The following TNS1 variants were observed in gnomAD, a reference collection of about 807,000 sequenced individuals.
TNS1 encodes tensin 1.
A neutral mutation model predicts 168.6 loss-of-function variants in TNS1; 62 were observed. That is an observed-to-expected ratio of 0.37 (90% CI 0.30 to 0.45). The LOEUF (loss-of-function observed/expected upper bound fraction) is 0.45. TNS1 is among the 20% of genes least tolerant of loss of function. TNS1 has a pLI of 1.00. For synonymous variants in TNS1, 934 were observed against 933.2 expected (o/e 1.00, Z -0.02); for missense variants, 2,240 against 2,339.4 (o/e 0.96, Z 0.88).
intron 3 of TNS1, among the ~76,000 whole-genome samples, chr2:217,967,465 A>G (rs530363722): frequency 1.3e-5 from 2 of 152,320 alleles, no homozygotes; most frequent in South Asian, 4.1e-4. Context: ...GAAGACTCAA[A>G]TTACTCAAAT....
intron 18 of TNS1, chr2:217,858,502 G>A (rs888387333): frequency 1.0e-6 from 1 of 985,728 alleles, no homozygotes; most frequent in Admixed American, 6.1e-5. Context: ...CCTCTGGAGG[G>A]AGGGAGGGAG....
intron 18 of TNS1, chr2:217,849,782 G>A (rs1385830053): frequency 2.8e-5 from 28 of 985,270 alleles, no homozygotes; most frequent in South Asian, 9.4e-5. Flanking sequence ...ACGGCCAGTC[G>A]CCCCGAGGAT....
At chr2:217,933,939 G>A (rs778233722) in intron 3 of TNS1, among the ~76,000 whole-genome samples, 6 of 152,116 alleles carry the variant, frequency 3.9e-5, no homozygotes, top group Non-Finnish European at 7.3e-5. Context: ...GGTGAGGAAG[G>A]GCAAAACAGA....
At chr2:217,810,084 A>C in intron 29 of TNS1, 93 bp from the exon 30 acceptor site, 1 of 1,504,420 alleles carries the variant, frequency 6.6e-7, no homozygotes, top group East Asian at 2.3e-5. Context: ...GTAGCAGATA[A>C]ATTTCAGGCT....
chr2:218,012,643 C>A (rs533279573), upstream of TNS1, among the ~76,000 whole-genome samples: 11 of 152,192 alleles, frequency 7.2e-5, no homozygotes, highest in African/African-American at 2.2e-4. Flanking sequence ...TGGCCCCCCA[C>A]CCCCCATACC....
At chr2:217,883,818 C>T (rs2125662490) in intron 16 of TNS1, among the ~76,000 whole-genome samples, 1 of 152,340 alleles carries the variant, frequency 6.6e-6, no homozygotes. Context: ...CCAGACCACA[C>T]TAAGGAGATC....
At chr2:217,838,732 T>C (rs889506051) in intron 19 of TNS1, among the ~76,000 whole-genome samples, 3 of 152,188 alleles carry the variant, frequency 2.0e-5, no homozygotes, top group African/African-American at 7.2e-5. Flanking sequence ...TGGAGAGACA[T>C]GTTCCCTCTC....
chr2:217,848,216 A>G lies in TNS1; in HGVS notation c.2301T>C (p.Ala767=). ...APVRGGSSRE[A]VQRGLNSWQQ... ...GCCACGAATTCAGTCCCCTTTGCAC[A>G]GCCTCCCGGCTGCTTCCCCCTCGGA... The change falls in exon 19 of 33, where the codon GCT becomes GCC. Residue 767 remains alanine, a synonymous_variant. Transcript: ENST00000682258. 1.9e-6 allele frequency: 3 copies of G among 1,589,386 alleles called. No homozygotes were observed. Among genetic ancestry groups the G allele is most frequent in the Non-Finnish European group, 2.6e-6 (3 of 1,168,192 alleles).
rs79888115 is a variant in TNS1 at position 217,917,829 on chromosome 2, C to CAAAAAAAAA, written c.228+2357_228+2365dup. Among the ~76,000 whole-genome samples the CAAAAAAAAA allele has an allele frequency of 2.3e-3, 177 of 75,972 alleles. 4 individuals carry two copies. The highest frequency in any genetic ancestry group is 4.9e-3 in the African/African-American group (108 of 22,258). The allele number at this position is 75,972 out of a possible 152,430, so 49.8% of individuals were successfully genotyped here. On this transcript the variant is annotated intron_variant, in intron 4 of 32. Transcript: ENST00000682258. ...CTGGGCAACACAGTGAGACTGTTCTCAAAAAAAAAAAAAAAAAAAGACTTG... is the reference window on the plus strand; with the variant it reads ...CTGGGCAACACAGTGAGACTGTTCTCAAAAAAAAAAAAAAAAAAAAAAAAAAAAGACTTG...
chr2:217,805,504 CCACCACACA>C (rs1207913865), intron 32 of TNS1, among the ~76,000 whole-genome samples: 883 of 57,988 alleles, frequency 0.015, 28 homozygotes, highest in East Asian at 0.038. Context: ...ACCACACACA[CCACCACACA>C]CACCACACAC....
At chr2:217,904,485 T>C (rs1043025220) in intron 6 of TNS1, among the ~76,000 whole-genome samples, 1 of 152,078 alleles carries the variant, frequency 6.6e-6, no homozygotes, top group Non-Finnish European at 1.5e-5. Context: ...AATTAGGTTT[T>C]CTCTCCTCTT....
At chr2:217,956,484 C>T (rs933800798) in intron 3 of TNS1, among the ~76,000 whole-genome samples, 2 of 152,024 alleles carry the variant, frequency 1.3e-5, no homozygotes, top group Non-Finnish European at 2.9e-5. Context: ...CTGAAACACC[C>T]GAAGGAGCAA....
At position 217,848,654 on chromosome 2, in the gene TNS1, C is replaced by T. The variant is rs1314392829; in HGVS notation, c.1863G>A (p.Arg621=). ...HVNGGALASE[R]ETDILDDELP... Reference sequence around the variant, plus strand: ...ATTCATCGTCCAGGATGTCTGTCTCCCGCTCAGATGCTAACGCCCCACCAT... The same window carrying T: ...ATTCATCGTCCAGGATGTCTGTCTCTCGCTCAGATGCTAACGCCCCACCAT... Residue 621 remains arginine (R), a synonymous_variant, in exon 19 of 33, where the codon CGG becomes CGA. Coordinates refer to ENST00000682258, the MANE Select transcript of TNS1 (RefSeq NM_001387777.1). 3 of 1,614,226 alleles carry T rather than the reference C, an allele frequency of 1.9e-6. No homozygotes were observed. The highest frequency in any genetic ancestry group is 2.5e-6 in the Non-Finnish European group (3 of 1,180,038).
chr2:217,992,133 G>T (rs970074227), intron 1 of TNS1, among the ~76,000 whole-genome samples: 2 of 151,630 alleles, frequency 1.3e-5, no homozygotes, highest in Non-Finnish European at 2.9e-5. Context: ...GGGGCAGGGG[G>T]GCCTATTCAG....
upstream of TNS1, among the ~76,000 whole-genome samples, chr2:218,010,770 C>G (rs1280960631): frequency 5.3e-5 from 8 of 152,132 alleles, no homozygotes; most frequent in Non-Finnish European, 1.0e-4. Flanking sequence ...CGGATTCCCT[C>G]CAGAGCCCAC....
At chr2:217,891,578 C>A (rs917882652) in intron 11 of TNS1, among the ~76,000 whole-genome samples, 7 of 152,176 alleles carry the variant, frequency 4.6e-5, no homozygotes, top group Admixed American at 4.6e-4. Flanking sequence ...TCCTGGCAGG[C>A]CCTCCACAGA....
intron 1 of TNS1, among the ~76,000 whole-genome samples, chr2:218,022,873 G>C (rs1958817783): frequency 1.3e-5 from 2 of 152,102 alleles, no homozygotes; most frequent in Admixed American, 1.3e-4. Context: ...TCCTGGTGAG[G>C]GGGCAGTCAG....
At position 217,886,592 on chromosome 2, in the gene TNS1, C is replaced by CT. The variant is rs1423753898; in HGVS notation, c.920dup (p.Pro308AlafsTer16). On this transcript the variant is annotated frameshift_variant, in exon 13 of 33. Transcript: ENST00000682258. LOFTEE classifies it high-confidence loss of function. Reference sequence around the variant, plus strand: ...TGATCACGTGGTGCAGAAACAAGGGCTTGTTGTTCATTTTGATGGAGCCGG... The same window carrying CT: ...TGATCACGTGGTGCAGAAACAAGGGCTTTGTTGTTCATTTTGATGGAGCCGG... 6.2e-7 allele frequency: 1 copy of CT among 1,605,630 alleles called. No individual in the cohort carries two copies. Among genetic ancestry groups the CT allele is most frequent in the Non-Finnish European group, 8.5e-7 (1 of 1,176,416 alleles).
Position 217,813,438 on chromosome 2 carries a change from C to A in TNS1, c.4862-131G>T. The A allele has an allele frequency of 1.1e-6, 1 of 950,728 alleles. No individual in the cohort carries two copies. Among genetic ancestry groups the A allele is most frequent in the Non-Finnish European group, 1.6e-6 (1 of 621,956 alleles). The allele number at this position is 950,728 out of a possible 1,614,324, so 58.9% of individuals were successfully genotyped here. A position where few individuals can be genotyped will look rare whatever the true frequency, so the allele number is the denominator to read the frequency against. On this transcript the variant is annotated intron_variant, in intron 26 of 32. Coordinates refer to ENST00000682258, the MANE Select transcript of TNS1 (RefSeq NM_001387777.1). The surrounding 1 kb of genome is among the most constrained non-coding windows in gnomAD (Gnocchi z 4.0). ...AGAAATGACTGAAGAGAGAACGTGG[C>A]TGGAGCCCCATGGACTGCAGAGCCC...
Sources: gnomAD v4.1 joint callset for allele counts (sites outside exome capture counted in the v4.1 genomes callset) on GRCh38, gnomAD v4.1.1 for gene constraint, Gnocchi (gnomAD v3.1) non-coding constraint, MANE v1.5 for transcripts, NCBI Gene and HGNC (gene_info 2026-07-23, HGNC 2026-07-21) for gene names.